FLT1: variants seen among roughly 807,000 people sequenced by gnomAD.
FLT1 encodes the protein vascular endothelial growth factor receptor 1.
Under a neutral mutation model 156.3 loss-of-function variants are expected in FLT1, and 49 were observed. The observed-to-expected ratio is 0.31, with a 90% CI of 0.25 to 0.40. The LOEUF is 0.40. Ranked by LOEUF, FLT1 falls within the 10% of genes least tolerant of loss-of-function variation. The pLI is 1.00. For missense variants in FLT1, 1,322 were observed against 1,637.2 expected (o/e 0.81, Z 3.32); for synonymous variants, 594 against 583.8 (o/e 1.02, Z -0.25).
chr13:28,464,088 C>G (rs535381094), intron 3 of FLT1, among the ~76,000 whole-genome samples: 3 of 152,130 alleles, frequency 2.0e-5, no homozygotes, highest in Admixed American at 6.5e-5. Flanking sequence ...CTTTTAGTAT[C>G]AGTGCTATTT....
At chr13:28,336,551 G>A (rs574443490) in intron 17 of FLT1, among the ~76,000 whole-genome samples, 6 of 152,170 alleles carry the variant, frequency 3.9e-5, no homozygotes, top group Non-Finnish European at 5.9e-5. Flanking sequence ...CCCTGGACAC[G>A]CTGGGGAGAG....
Position 28,417,671 on chromosome 13 carries a change from GTT to G in FLT1, c.1436+9486_1436+9487del, listed in dbSNP as rs11450136. ...TAAATCTTTAACATTCCTTAATTCC[GTT>G]TTTTTTTTTTTGAGATGGGGGTCCT... On this transcript the variant is annotated intron_variant, in intron 10 of 29. Transcript: ENST00000282397. Among the ~76,000 whole-genome samples the G allele has an allele frequency of 5.0e-3, 725 of 144,980 alleles. 5 individuals are homozygous for G. Among genetic ancestry groups the G allele is most frequent in the African/African-American group, 0.016 (646 of 39,522 alleles).
intron 24 of FLT1, 33 bp from the exon 25 acceptor site, chr13:28,317,630 G>A (rs770140208): frequency 7.1e-7 from 1 of 1,402,438 alleles, no homozygotes; most frequent in Non-Finnish European, 1.0e-6. Flanking sequence ...CACAGGGCCT[G>A]TTATGGCTTA....
chr13:28,353,566 G>A, intron 15 of FLT1, among the ~76,000 whole-genome samples: 1 of 111,212 alleles, frequency 9.0e-6, no homozygotes. Flanking sequence ...GACCAAGACT[G>A]TGTCTCAAAA....
At chr13:28,327,069 A>G (rs1871714112) in intron 20 of FLT1, among the ~76,000 whole-genome samples, 1 of 152,276 alleles carries the variant, frequency 6.6e-6, no homozygotes, top group Non-Finnish European at 1.5e-5. Context: ...TCAAAATCTA[A>G]CCTAATAAAT....
intron 25 of FLT1, among the ~76,000 whole-genome samples, chr13:28,315,106 G>T (rs1871147366): frequency 6.6e-6 from 1 of 152,184 alleles, no homozygotes; most frequent in Non-Finnish European, 1.5e-5. Flanking sequence ...TCACTTACAT[G>T]TGCGGTGCCT....
rs772711012 is a variant in FLT1, at chr13:28,469,049, C to T, written c.65-1432G>A. 3.9e-5 allele frequency among the ~76,000 whole-genome samples: 6 copies of T among 152,158 alleles called. No individual in the cohort carries two copies. In the East Asian group the frequency reaches 9.7e-4, roughly 24 times the overall value. ...CCCTCAGTCTCTCTTCTCCTTCTCC[C>T]TCTTCTTCACCAGCCTCCTCCTCCT... is the stretch of plus-strand genomic sequence containing the variant. On this transcript the variant is annotated intron_variant, in intron 1 of 29. Coordinates refer to ENST00000282397, the MANE Select transcript of FLT1 (RefSeq NM_002019.4).
In FLT1 at chr13:28,303,174, G is replaced by A. The variant is rs1870583465; in HGVS notation, c.4010C>T (p.Pro1337Leu). ...AAGGCTTCGTGTCAAACTCTAGATG[G>A]GTGGGGTGGAGTACAGGACCACCGA... The part of the protein sequence containing the change: ...YNSVVLYSTP[P>L]I Residue 1337 changes from proline to leucine, a missense_variant, in exon 30 of 30, where the codon CCC becomes CTC. Physicochemically the swap from Pro to Leu is moderately conservative, Grantham distance 98. Coordinates refer to ENST00000282397, the MANE Select transcript of FLT1 (RefSeq NM_002019.4). 1.2e-6 allele frequency: 2 copies of A among 1,609,766 alleles called. No homozygotes were observed. The highest frequency in any genetic ancestry group is 1.6e-4 in the Middle Eastern group (1 of 6,062).
At position 28,449,391 on chromosome 13, in the gene FLT1, T is replaced by C. The variant is rs1311054675; in HGVS notation, c.389-11046A>G. Reference sequence around the variant, plus strand: ...TGCCTGGTGTGTGTGGGTATTATAGTCCACATGGAATGCGCAATTTAATAT... The same window carrying C: ...TGCCTGGTGTGTGTGGGTATTATAGCCCACATGGAATGCGCAATTTAATAT... On this transcript the variant is annotated intron_variant, in intron 3 of 29. Coordinates refer to ENST00000282397, the MANE Select transcript of FLT1 (RefSeq NM_002019.4). 2.6e-5 allele frequency among the ~76,000 whole-genome samples: 4 copies of C among 152,216 alleles called. No individual in the cohort carries two copies. The South Asian group carries it at 8.3e-4, about 32-fold the overall frequency.
intron 14 of FLT1, among the ~76,000 whole-genome samples, chr13:28,358,308 C>G (rs944889256): frequency 6.6e-6 from 1 of 152,166 alleles, no homozygotes; most frequent in Non-Finnish European, 1.5e-5. Flanking sequence ...AAGAGTTTGC[C>G]TGGGCTGTGT....
chr13:28,419,803 C>A (rs1375508360), intron 10 of FLT1, among the ~76,000 whole-genome samples: 1 of 152,170 alleles, frequency 6.6e-6, no homozygotes, highest in Non-Finnish European at 1.5e-5. Flanking sequence ...CACTTGAACC[C>A]AGGAGGCGGA....
At chr13:28,387,999 T>A in intron 13 of FLT1, 1 of 1,060,378 alleles carries the variant, frequency 9.4e-7, no homozygotes, top group Non-Finnish European at 1.1e-6. Context: ...TTCACCATTT[T>A]GTTTTCATAA....
chr13:28,357,719 T>C, intron 14 of FLT1, 34 bp from the exon 15 acceptor site: 1 of 1,608,426 alleles, frequency 6.2e-7, no homozygotes, highest in Non-Finnish European at 8.5e-7. Flanking sequence ...TTAGTGGGCC[T>C]GGATGACAAA....
Position 28,471,609 on chromosome 13 carries a change from A to G in FLT1, c.65-3992T>C, listed in dbSNP as rs147823414. Among the ~76,000 whole-genome samples the G allele has an allele frequency of 3.5e-3, 530 of 152,296 alleles. 5 individuals carry two copies. The highest frequency in any genetic ancestry group is 0.012 in the African/African-American group (509 of 41,576). On this transcript the variant is annotated intron_variant, in intron 1 of 29. Coordinates refer to ENST00000282397, the MANE Select transcript of FLT1 (RefSeq NM_002019.4). The stretch of plus-strand genomic sequence containing the variant: ...GTCATAGCATGGGGAAGTCAGCTTG[A>G]TCGTCTCAGTAGCTCAGAGTCATGT...
Position 28,388,301 on chromosome 13 carries a change from G to A in FLT1, c.1969+1495C>T, listed in dbSNP as rs1002640066. ...CACGTTTGACAAAAGCAATTCCCAC[G>A]TGAAAGACAAGTTTAGCCGTGGGAC... On this transcript the variant is annotated intron_variant, in intron 13 of 29. Transcript: ENST00000282397. 1.0e-5 allele frequency: 11 copies of A among 1,057,728 alleles called. No homozygotes were observed. In the South Asian group the frequency reaches 2.3e-4, roughly 22 times the overall value. 65.5% of individuals were successfully genotyped at this position (1,057,728 alleles called of 1,614,324 possible). A position where few individuals can be genotyped will look rare whatever the true frequency, so the allele number is the denominator to read the frequency against.
chr13:28,358,247 C>T (rs531482722), intron 14 of FLT1, among the ~76,000 whole-genome samples: 1 of 152,152 alleles, frequency 6.6e-6, no homozygotes, highest in African/African-American at 2.4e-5. Flanking sequence ...GTCAAAGGAA[C>T]TAATATTTCA....
chr13:28,431,396 A>C, intron 6 of FLT1, 86 bp from the exon 7 acceptor site: 2 of 961,262 alleles, frequency 2.1e-6, no homozygotes, highest in Admixed American at 3.8e-5. Flanking sequence ...TTAGATCATT[A>C]GTTCGACAAC....
intron 29 of FLT1, 70 bp from the exon 30 acceptor site, chr13:28,303,438 ACT>A (rs1259096154): frequency 7.4e-7 from 1 of 1,355,950 alleles, no homozygotes; most frequent in Non-Finnish European, 1.0e-6. Flanking sequence ...ACTAAAATCT[ACT>A]CTTTCTGAGT....
At chr13:28,473,070 G>T (rs2137635029) in intron 1 of FLT1, among the ~76,000 whole-genome samples, 1 of 152,228 alleles carries the variant, frequency 6.6e-6, no homozygotes, top group South Asian at 2.1e-4. Flanking sequence ...CATGCCGACT[G>T]GGAAAGCTTA....
Sources: gnomAD v4.1 joint callset for allele counts (sites outside exome capture counted in the v4.1 genomes callset) on GRCh38, gnomAD v4.1.1 for gene constraint, MANE v1.5 for transcripts, NCBI Gene and HGNC (gene_info 2026-07-23, HGNC 2026-07-21) for gene names.